PTPRK: variants seen among roughly 807,000 people sequenced by gnomAD.
PTPRK encodes the protein protein tyrosine phosphatase receptor type K.
Under a neutral mutation model 178.0 loss-of-function variants are expected in PTPRK, and 75 were observed. That is an observed-to-expected ratio of 0.42 (90% CI 0.35 to 0.51). PTPRK has a LOEUF of 0.51. PTPRK is among the 20% of genes least tolerant of loss of function. PTPRK has a pLI of 0.02. For synonymous variants in PTPRK, 637 were observed against 620.6 expected, an observed-to-expected ratio of 1.03 and a Z score of -0.39; for missense variants, 1,441 against 1,797.8, an observed-to-expected ratio of 0.80 and a Z score of 3.59.
chr6:128,244,608 C>T (rs1815119028), intron 3 of PTPRK, among the ~76,000 whole-genome samples: 1 of 152,144 alleles, frequency 6.6e-6, no homozygotes, highest in Non-Finnish European at 1.5e-5. Context: ...CATCTAGATG[C>T]ACACACATTT....
intron 1 of PTPRK, among the ~76,000 whole-genome samples, chr6:128,445,455 A>G (rs1297186559): frequency 6.7e-6 from 1 of 149,664 alleles, no homozygotes; most frequent in Non-Finnish European, 1.5e-5. Context: ...CCCTTTTCAC[A>G]CTGCTCTAAA....
chr6:128,225,090 G>A (rs535507720), intron 5 of PTPRK, among the ~76,000 whole-genome samples: 63 of 152,148 alleles, frequency 4.1e-4, no homozygotes, highest in African/African-American at 1.5e-3. Flanking sequence ...CAAAGTTTGA[G>A]GAATAAAATC....
At position 128,192,372 on chromosome 6, in the gene PTPRK, T is replaced by C. The variant is rs1018911552; in HGVS notation, c.869-7647A>G. On this transcript the variant is annotated intron_variant, in intron 6 of 29. Transcript: ENST00000368226. ...CTTAGCTTTTTCTTTTATCCTTGTTTTTCAATACAATTTGTTAGGTGCCCA... is the reference window on the plus strand; with the variant it reads ...CTTAGCTTTTTCTTTTATCCTTGTTCTTCAATACAATTTGTTAGGTGCCCA... Among the ~76,000 whole-genome samples the C allele has an allele frequency of 4.6e-5, 7 of 152,150 alleles. No individual in the cohort carries two copies. In the East Asian group the frequency reaches 1.3e-3, roughly 29 times the overall value.
At chr6:128,448,274 C>T (rs1847294734) in intron 1 of PTPRK, among the ~76,000 whole-genome samples, 1 of 152,168 alleles carries the variant, frequency 6.6e-6, no homozygotes, top group African/African-American at 2.4e-5. Flanking sequence ...AACCTTGGTT[C>T]TGGAGTTCTG....
chr6:128,436,011 T>C (rs1245939544), intron 1 of PTPRK, among the ~76,000 whole-genome samples: 1 of 150,438 alleles, frequency 6.6e-6, no homozygotes, highest in African/African-American at 2.4e-5. Context: ...TATATATATA[T>C]ATATATAGCA....
chr6:128,413,120 T>C (rs896549043), intron 1 of PTPRK, among the ~76,000 whole-genome samples: 34 of 152,194 alleles, frequency 2.2e-4, no homozygotes, highest in Non-Finnish European at 1.5e-5. Flanking sequence ...ACCAGCTATT[T>C]GAGAATATCT....
At chr6:128,382,130 C>A (rs1285795072) in intron 2 of PTPRK, among the ~76,000 whole-genome samples, 6 of 106,568 alleles carry the variant, frequency 5.6e-5, no homozygotes, top group South Asian at 5.8e-4. Context: ...CAAGCCTGGG[C>A]AACAGAGCAA....
intron 2 of PTPRK, among the ~76,000 whole-genome samples, chr6:128,377,685 C>G (rs1185637185): frequency 6.6e-6 from 1 of 150,640 alleles, no homozygotes; most frequent in Non-Finnish European, 1.5e-5. Context: ...AAGTGATCAA[C>G]TTCATTAAAG....
chr6:128,247,867 A>ACC (rs1001716426), intron 3 of PTPRK, among the ~76,000 whole-genome samples: 1 of 151,784 alleles, frequency 6.6e-6, no homozygotes, highest in Admixed American at 6.6e-5. Context: ...TAAAAACCTA[A>ACC]CCCCCCAATC....
intron 13 of PTPRK, among the ~76,000 whole-genome samples, chr6:128,024,213 A>G (rs1773945036): frequency 6.6e-6 from 1 of 152,312 alleles, no homozygotes; most frequent in East Asian, 1.9e-4. Context: ...TCCTTGTAAG[A>G]GCTCTGTAAA....
chr6:128,441,411 AG>A (rs1846264816), intron 1 of PTPRK, among the ~76,000 whole-genome samples: 1 of 152,162 alleles, frequency 6.6e-6, no homozygotes, highest in Admixed American at 6.6e-5. Flanking sequence ...GAGATAGTTT[AG>A]CCTTGTCTAA....
At chr6:128,057,123 G>A (rs77413018) in intron 13 of PTPRK, among the ~76,000 whole-genome samples, 2,737 of 152,214 alleles carry the variant, frequency 0.018, 88 homozygotes, top group African/African-American at 0.063. Flanking sequence ...TTCTCTCTTA[G>A]TGTCAATAAT....
At chr6:128,515,348 T>C (rs533146843) in intron 1 of PTPRK, among the ~76,000 whole-genome samples, 29 of 152,332 alleles carry the variant, frequency 1.9e-4, no homozygotes, top group African/African-American at 7.0e-4. Context: ...AAATACTGTT[T>C]TAAGACCTAT....
intron 11 of PTPRK, among the ~76,000 whole-genome samples, chr6:128,072,306 G>A (rs549301694): frequency 1.3e-5 from 2 of 151,786 alleles, no homozygotes; most frequent in East Asian, 1.9e-4. Context: ...CTTATGATGG[G>A]GTTATGTCCC....
chr6:128,418,757 G>A (rs751059571), intron 1 of PTPRK, among the ~76,000 whole-genome samples: 1 of 152,170 alleles, frequency 6.6e-6, no homozygotes, highest in Non-Finnish European at 1.5e-5. Context: ...CAGCAAGGGG[G>A]AAACTGAGGA....
chr6:128,192,063 T>C (rs1040626610), intron 6 of PTPRK, among the ~76,000 whole-genome samples: 8 of 152,208 alleles, frequency 5.3e-5, no homozygotes, highest in African/African-American at 1.4e-4. Flanking sequence ...GAAATAGATA[T>C]GTGTAAAGTA....
intron 2 of PTPRK, among the ~76,000 whole-genome samples, chr6:128,390,204 C>T (rs780328969): frequency 6.6e-6 from 1 of 152,132 alleles, no homozygotes; most frequent in Non-Finnish European, 1.5e-5. Flanking sequence ...TGATTCCTTT[C>T]GTCCATGATT....
intron 13 of PTPRK, among the ~76,000 whole-genome samples, chr6:128,055,227 T>A (rs1294751558): frequency 1.3e-5 from 2 of 152,152 alleles, no homozygotes; most frequent in Non-Finnish European, 2.9e-5. Context: ...CTTTTTCCAG[T>A]AAACAGCCCT....
intron 3 of PTPRK, among the ~76,000 whole-genome samples, chr6:128,261,374 A>G (rs1818153946): frequency 6.6e-6 from 1 of 152,216 alleles, no homozygotes; most frequent in Non-Finnish European, 1.5e-5. Flanking sequence ...AAATTTTCCA[A>G]ACTAGCACTT....
Sources: allele counts gnomAD v4.1 joint callset (sites outside exome capture counted in the v4.1 genomes callset), GRCh38; gene constraint gnomAD v4.1.1; transcripts MANE v1.5; gene names NCBI Gene and HGNC (gene_info 2026-07-23, HGNC 2026-07-21).